SPATA3: variants seen among roughly 807,000 people sequenced by gnomAD.
SPATA3 encodes the protein spermatogenesis-associated protein 3.
SPATA3 carries 6 observed loss-of-function variants against 5.7 expected under a neutral mutation model. That is an observed-to-expected ratio of 1.06 (90% CI 0.58 to 2.09). The LOEUF (loss-of-function observed/expected upper bound fraction) is 2.09. Among genes scored for constraint, SPATA3 ranks in the 30% most tolerant of loss-of-function variants. The probability of loss-of-function intolerance (pLI) is 0.00; values close to 1 mark genes in which losing one functional copy is unlikely to be tolerated. For synonymous variants in SPATA3, 44 were observed against 48.4 expected, an observed-to-expected ratio of 0.91 and a Z score of 0.37; for missense variants, 155 against 130.4, an observed-to-expected ratio of 1.19 and a Z score of -0.92.
intron 1 of SPATA3, 60 bp from the exon 2 acceptor site, chr2:231,000,306 C>T: frequency 1.4e-6 from 2 of 1,381,670 alleles, no homozygotes. Context: ...GTTCCAGACT[C>T]CCCCGCCCCA....
At chr2:231,005,580 T>C (rs199832381), downstream of SPATA3, among the ~76,000 whole-genome samples, 18 of 22,146 alleles carry the variant, frequency 8.1e-4, no homozygotes, top group East Asian at 1.9e-3. Flanking sequence ...ATCATCACCA[T>C]CATCATCCTC....
chr2:231,000,304 C>A (rs1692297368), intron 1 of SPATA3, 62 bp from the exon 2 acceptor site: 1 of 1,371,200 alleles, frequency 7.3e-7, no homozygotes, highest in African/African-American at 1.5e-5. Context: ...GTGTTCCAGA[C>A]TCCCCCGCCC....
chr2:231,002,725 C>G, exon 3 of SPATA3: 1 of 1,534,240 alleles, frequency 6.5e-7, no homozygotes, highest in Non-Finnish European at 8.8e-7. Flanking sequence ...AACGCGTGTC[C>G]TCCAAGCCCT....
In SPATA3 at chr2:231,015,257, C is replaced by CTTTTTTTT. The variant is rs35102459; in HGVS notation, c.*565+1060_*565+1067dup. Among the ~76,000 whole-genome samples, 99 of 94,056 alleles carry CTTTTTTTT rather than the reference C, an allele frequency of 1.1e-3. 1 individual carries two copies. The highest frequency in any genetic ancestry group is 1.6e-3 in the African/African-American group (33 of 21,014). The allele number at this position is 94,056 out of a possible 152,430, so 61.7% of individuals were successfully genotyped here. A position where few individuals can be genotyped will look rare whatever the true frequency, so the allele number is the denominator to read the frequency against. On this transcript the variant is annotated intron_variant, in intron 6 of 8. Transcript: ENST00000452881. Reference sequence around the variant, plus strand: ...CACACCCAGCTAACTATCGTTTTGGCTTTTTTTTTTTTTTTTTTTTTTGGT... The same window carrying CTTTTTTTT: ...CACACCCAGCTAACTATCGTTTTGGCTTTTTTTTTTTTTTTTTTTTTTTTTTTTTTGGT...
downstream of SPATA3, among the ~76,000 whole-genome samples, chr2:231,008,120 G>A (rs772110941): frequency 6.6e-6 from 1 of 152,210 alleles, no homozygotes; most frequent in Admixed American, 6.5e-5. Context: ...CTGCTGGGGC[G>A]TCGTGGGATG....
At chr2:231,015,594 C>G (rs980157601) in intron 6 of SPATA3, among the ~76,000 whole-genome samples, 1 of 152,160 alleles carries the variant, frequency 6.6e-6, no homozygotes, top group South Asian at 2.1e-4. Context: ...GGAATCAGGC[C>G]GCATGCTTAA....
At chr2:231,008,279 C>T (rs966555530), downstream of SPATA3, among the ~76,000 whole-genome samples, 7 of 152,278 alleles carry the variant, frequency 4.6e-5, no homozygotes, top group Admixed American at 3.3e-4. Context: ...GAGGAAGCCC[C>T]CAGGCAAAGA....
intron 1 of SPATA3, 92 bp from the exon 2 acceptor site, chr2:231,000,274 G>A (rs1015360344): frequency 2.3e-5 from 27 of 1,191,278 alleles, no homozygotes; most frequent in Non-Finnish European, 2.9e-5. Flanking sequence ...TGCTGCCGTT[G>A]TGGGGGGCCT....
chr2:231,005,055 CCATCACCAT>C (rs1559197233), downstream of SPATA3, among the ~76,000 whole-genome samples: 5 of 94,282 alleles, frequency 5.3e-5, no homozygotes, highest in African/African-American at 2.1e-4. Context: ...ACCACCACCA[CCATCACCAT>C]CATCACCACC....
At chr2:230,998,421 C>G (rs1343362665) in intron 1 of SPATA3, among the ~76,000 whole-genome samples, 1 of 152,192 alleles carries the variant, frequency 6.6e-6, no homozygotes, top group African/African-American at 2.4e-5. Context: ...GAAAGCAAGA[C>G]TTTCCATTCC....
At chr2:231,000,290 G>C (rs1692296655) in intron 1 of SPATA3, 76 bp from the exon 2 acceptor site, 1 of 1,320,328 alleles carries the variant, frequency 7.6e-7, no homozygotes, top group Non-Finnish European at 9.9e-7. Flanking sequence ...GGCCTTCTCA[G>C]ACTGTGTTCC....
chr2:231,016,506 C>CAAA (rs749712082), intron 6 of SPATA3, among the ~76,000 whole-genome samples: 21,466 of 67,344 alleles, frequency 0.32, 2,212 homozygotes, highest in African/African-American at 0.38. Context: ...CCTGTCTCTA[C>CAAA]AAAAAAAAAA....
intron 2 of SPATA3, 131 bp downstream of exon 2, chr2:231,000,668 C>A: frequency 9.4e-7 from 1 of 1,068,460 alleles, no homozygotes; most frequent in Non-Finnish European, 1.2e-6. Flanking sequence ...CTTTCTTTCC[C>A]TCTTTGCTTT....
chr2:231,003,096 G>T (rs769098874), downstream of SPATA3, among the ~76,000 whole-genome samples: 3 of 152,118 alleles, frequency 2.0e-5, no homozygotes, highest in Admixed American at 1.3e-4. Flanking sequence ...GGGGGCAAAG[G>T]TTTCTACCCA....
chr2:231,019,354 T>C (rs1234501882), intron 6 of SPATA3, among the ~76,000 whole-genome samples: 1 of 146,694 alleles, frequency 6.8e-6, no homozygotes, highest in Non-Finnish European at 1.5e-5. Context: ...GACAGAGTCT[T>C]GCACTGTTGC....
chr2:231,000,336 T>C, intron 1 of SPATA3, 30 bp from the exon 2 acceptor site: 1 of 1,430,460 alleles, frequency 7.0e-7, no homozygotes, highest in Non-Finnish European at 9.3e-7. Flanking sequence ...GGCAGGTGCC[T>C]CCCTCACCTC....
intron 6 of SPATA3, among the ~76,000 whole-genome samples, chr2:231,018,736 A>G (rs958530069): frequency 6.6e-6 from 1 of 151,646 alleles, no homozygotes; most frequent in African/African-American, 2.4e-5. Flanking sequence ...CCCAGGCTGG[A>G]GTGCAGTGGC....
At chr2:231,015,732 C>G (rs1692918231) in intron 6 of SPATA3, among the ~76,000 whole-genome samples, 1 of 152,242 alleles carries the variant, frequency 6.6e-6, no homozygotes, top group African/African-American at 2.4e-5. Context: ...CCTCCTTTCT[C>G]TTCTTCCCCT....
downstream of SPATA3, among the ~76,000 whole-genome samples, chr2:231,005,546 ATC>A: frequency 7.2e-6 from 1 of 139,762 alleles, no homozygotes; most frequent in Non-Finnish European, 1.6e-5. Context: ...CACCACCATC[ATC>A]ACCACCACCA....
Sources: allele counts gnomAD v4.1 joint callset (sites outside exome capture counted in the v4.1 genomes callset), GRCh38; gene constraint gnomAD v4.1.1; transcripts MANE v1.5; gene names NCBI Gene and HGNC (gene_info 2026-07-23, HGNC 2026-07-21).